PIK3C2G: variants seen among roughly 807,000 people sequenced by gnomAD.
The protein encoded by PIK3C2G is phosphatidylinositol 3-kinase C2 domain-containing subunit gamma.
PIK3C2G carries 168 observed loss-of-function variants against 181.1 expected under a neutral mutation model. That is an observed-to-expected ratio of 0.93 (90% CI 0.82 to 1.05). The LOEUF (loss-of-function observed/expected upper bound fraction) is 1.05, where lower values mean the gene tolerates loss of function less well. PIK3C2G is among the 50% of genes least tolerant of loss of function. The pLI is 0.00. For missense variants in PIK3C2G, 1,869 were observed against 1,732.8 expected, an observed-to-expected ratio of 1.08 and a Z score of -1.40; for synonymous variants, 573 against 592.2, an observed-to-expected ratio of 0.97 and a Z score of 0.47.
intron 14 of PIK3C2G, among the ~76,000 whole-genome samples, chr12:18,390,386 C>T (rs1943459704): frequency 6.6e-6 from 1 of 151,996 alleles, no homozygotes; most frequent in East Asian, 1.9e-4. Flanking sequence ...CTTAAGCAAA[C>T]CTATGGAGCC....
chr12:18,593,715 C>A (rs2136487948), intron 29 of PIK3C2G, among the ~76,000 whole-genome samples: 1 of 151,918 alleles, frequency 6.6e-6, no homozygotes, highest in African/African-American at 2.4e-5. Context: ...TCCCAGTTAG[C>A]CATTCATTTG....
intron 6 of PIK3C2G, among the ~76,000 whole-genome samples, chr12:18,318,375 ATCT>A (rs1950960926): frequency 1.3e-5 from 2 of 152,256 alleles, no homozygotes; most frequent in Admixed American, 6.5e-5. Context: ...CTTGTGTCTC[ATCT>A]TCATTATCTG....
At chr12:18,281,268 CA>C (rs59791930) in intron 1 of PIK3C2G, among the ~76,000 whole-genome samples, 31,688 of 73,626 alleles carry the variant, frequency 0.43, 3,946 homozygotes, top group Middle Eastern at 0.54. Context: ...GCATAATAGG[CA>C]AAAAAAAAAA....
chr12:18,338,203 T>C (rs1325393756), intron 8 of PIK3C2G, among the ~76,000 whole-genome samples: 1 of 152,070 alleles, frequency 6.6e-6, no homozygotes, highest in Non-Finnish European at 1.5e-5. Context: ...GCTAAGTTAG[T>C]AAGTTAGTGT....
chr12:18,439,146 T>G (rs4275678), intron 18 of PIK3C2G, among the ~76,000 whole-genome samples: 38,954 of 151,630 alleles, frequency 0.26, 5,456 homozygotes, highest in Admixed American at 0.36. Flanking sequence ...GTAAAAGGAG[T>G]AGTAGAAAAA....
the PIK3C2G span, among the ~76,000 whole-genome samples, chr12:18,674,342 A>T: frequency 6.6e-6 from 1 of 152,122 alleles, no homozygotes; most frequent in African/African-American, 2.4e-5. Context: ...TCTGGTAACT[A>T]TCTAAAATTT....
the PIK3C2G span, chr12:18,719,613 C>T: frequency 1.2e-6 from 2 of 1,601,530 alleles, no homozygotes; most frequent in East Asian, 2.2e-5. Flanking sequence ...CTTCTAATGA[C>T]ATTTGGTGTG....
intron 18 of PIK3C2G, among the ~76,000 whole-genome samples, chr12:18,453,249 C>T (rs1206883768): frequency 6.6e-6 from 1 of 152,092 alleles, no homozygotes; most frequent in Non-Finnish European, 1.5e-5. Context: ...GTATTGGGTG[C>T]ATATATATTT....
intron 24 of PIK3C2G, among the ~76,000 whole-genome samples, chr12:18,531,525 C>T (rs1943553611): frequency 6.6e-6 from 1 of 152,048 alleles, no homozygotes; most frequent in Admixed American, 6.6e-5. Flanking sequence ...CATTCACTTC[C>T]CTCTCACCTT....
intron 27 of PIK3C2G, among the ~76,000 whole-genome samples, 177 bp downstream of exon 27, chr12:18,563,069 CA>C (rs1427151396): frequency 6.6e-6 from 1 of 152,122 alleles, no homozygotes. Flanking sequence ...ATCATAACAA[CA>C]AGACTATGAG....
At chr12:18,526,900 T>C (rs1026164068) in intron 24 of PIK3C2G, among the ~76,000 whole-genome samples, 25 of 152,182 alleles carry the variant, frequency 1.6e-4, no homozygotes, top group Non-Finnish European at 3.1e-4. Context: ...ATGATTTCTT[T>C]TGAATAGCTC....
the PIK3C2G span, among the ~76,000 whole-genome samples, chr12:18,716,919 G>A: frequency 1.3e-5 from 2 of 151,924 alleles, no homozygotes; most frequent in African/African-American, 4.8e-5. Flanking sequence ...TTTTCCTTTT[G>A]TAAATATGAG....
intron 18 of PIK3C2G, among the ~76,000 whole-genome samples, chr12:18,432,254 A>G (rs144704764): frequency 2.6e-5 from 4 of 152,194 alleles, no homozygotes; most frequent in Non-Finnish European, 5.9e-5. Context: ...TCCAGCATCA[A>G]TGTATCACTG....
Position 18,291,226 on chromosome 12 carries a change from C to T in PIK3C2G, c.919+214C>T, listed in dbSNP as rs777170261. On this transcript the variant is annotated intron_variant, in intron 4 of 32. Coordinates refer to ENST00000538779, the MANE Select transcript of PIK3C2G (RefSeq NM_001288772.2). ...AAGAAGTATCTTCACATAGCTCACC[C>T]GATAATATTTTATCTTCCTGCTATA... Among the ~76,000 whole-genome samples, 60 of 152,056 alleles carry T rather than the reference C, an allele frequency of 3.9e-4. 1 individual carries two copies. Among genetic ancestry groups the T allele is most frequent in the Non-Finnish European group, 7.5e-4 (51 of 68,006 alleles).
the PIK3C2G span, chr12:18,723,447 G>GA: frequency 1.6e-5 from 26 of 1,612,804 alleles, no homozygotes; most frequent in Non-Finnish European, 2.1e-5. Context: ...AATATGTGTT[G>GA]AAAATCTCAA....
At chr12:18,580,601 C>G (rs1946448086) in intron 29 of PIK3C2G, among the ~76,000 whole-genome samples, 2 of 152,152 alleles carry the variant, frequency 1.3e-5, no homozygotes, top group African/African-American at 4.8e-5. Flanking sequence ...TTTACACAGT[C>G]TACTAAAATG....
At chr12:18,485,506 CT>C (rs1410403643) in intron 18 of PIK3C2G, among the ~76,000 whole-genome samples, 1 of 152,172 alleles carries the variant, frequency 6.6e-6, no homozygotes, top group Non-Finnish European at 1.5e-5. Flanking sequence ...AAACTTAATA[CT>C]GTCAAAATCT....
At position 18,477,004 on chromosome 12, in the gene PIK3C2G, G is replaced by A. The variant is rs140142859; in HGVS notation, c.2505-11445G>A. 3.8e-3 allele frequency among the ~76,000 whole-genome samples: 576 copies of A among 152,114 alleles called. 8 individuals are homozygous for A. The highest frequency in any genetic ancestry group is 0.035 in the South Asian group (171 of 4,824). ...TGGAAGCTGGAATTTCAAGATCGAG[G>A]TGCCAGCAAGCTTGCTTTCTGGTGA... On this transcript the variant is annotated intron_variant, in intron 18 of 32. Coordinates refer to ENST00000538779, the MANE Select transcript of PIK3C2G (RefSeq NM_001288772.2).
intron 8 of PIK3C2G, among the ~76,000 whole-genome samples, chr12:18,332,406 G>A (rs937047944): frequency 4.6e-5 from 7 of 152,098 alleles, no homozygotes; most frequent in Admixed American, 4.6e-4. Flanking sequence ...CACAGCCTTA[G>A]GCAGACTCTG....
Sources: gnomAD v4.1 joint callset for allele counts (sites outside exome capture counted in the v4.1 genomes callset) on GRCh38, gnomAD v4.1.1 for gene constraint, MANE v1.5 for transcripts, NCBI Gene and HGNC (gene_info 2026-07-23, HGNC 2026-07-21) for gene names.